The following GPR20 variants were observed in gnomAD, a reference collection of about 807,000 sequenced individuals.
GPR20 encodes the protein G protein-coupled receptor 20, also known as CTD-3064M3.3.
For synonymous variants in GPR20, 241 were observed against 241.9 expected, an observed-to-expected ratio of 1.00 and a Z score of 0.04; for missense variants, 494 against 527.4, an observed-to-expected ratio of 0.94 and a Z score of 0.62.
At chr8:141,359,467 C>A (rs7823822) in intron 1 of GPR20, among the ~76,000 whole-genome samples, 3 of 152,236 alleles carry the variant, frequency 2.0e-5, no homozygotes, top group Middle Eastern at 3.4e-3. Context: ...GCGTGCTACC[C>A]TGGAGGCTGC....
intron 1 of GPR20, among the ~76,000 whole-genome samples, chr8:141,358,983 C>T (rs996206899): frequency 3.3e-5 from 5 of 152,158 alleles, no homozygotes; most frequent in African/African-American, 1.2e-4. Flanking sequence ...GTGTTTAACT[C>T]GGCAGTGATT....
Position 141,357,790 on chromosome 8 carries a change from A to C in GPR20, c.134T>G (p.Leu45Arg). ...CCACAGGCCTGGGAAGGTGCCATGC[A>C]GCTCCTCGTCCAGCCGGGCAAACAG... ...FHLFARLDEE[L>R]HGTFPGLWLA... Residue 45 changes from leucine to arginine, a missense_variant, in exon 2 of 2, where the codon CTG becomes CGG. Coordinates refer to ENST00000377741, the MANE Select transcript of GPR20 (RefSeq NM_005293.3). 1 of 1,613,406 alleles carries C rather than the reference A, an allele frequency of 6.2e-7. No individual in the cohort carries two copies. The highest frequency in any genetic ancestry group is 8.5e-7 in the Non-Finnish European group (1 of 1,179,942).
At chr8:141,360,359 C>T (rs1219417285) in intron 1 of GPR20, among the ~76,000 whole-genome samples, 1 of 152,204 alleles carries the variant, frequency 6.6e-6, no homozygotes, top group African/African-American at 2.4e-5. Flanking sequence ...ACACACTGAC[C>T]CCAATCCTAA....
intron 1 of GPR20, among the ~76,000 whole-genome samples, chr8:141,358,716 G>A (rs1831689717): frequency 6.6e-6 from 1 of 152,228 alleles, no homozygotes; most frequent in Non-Finnish European, 1.5e-5. Context: ...GGGGCTGCAT[G>A]GGAGCCAAGG....
At position 141,356,498 on chromosome 8, in the gene GPR20, C is replaced by T. The variant is rs1054118787; in HGVS notation, c.*349G>A. The T allele has an allele frequency of 2.8e-5, 9 of 323,754 alleles. No homozygotes were observed. The highest frequency in any genetic ancestry group is 5.0e-5 in the Non-Finnish European group (9 of 178,940). The allele number at this position is 323,754 out of a possible 1,614,324, so 20.1% of individuals were successfully genotyped here. A position where few individuals can be genotyped will look rare whatever the true frequency, so the allele number is the denominator to read the frequency against. ...TTTCTTTTTTCTTTTTCATCTCATC[C>T]TTCTAATCAATGGAATCCACTGTGC... On this transcript the variant is annotated 3_prime_UTR_variant, in exon 2 of 2. Coordinates refer to ENST00000377741, the MANE Select transcript of GPR20 (RefSeq NM_005293.3).
intron 1 of GPR20, among the ~76,000 whole-genome samples, chr8:141,363,225 C>A (rs1478386259): frequency 3.9e-5 from 6 of 152,222 alleles, no homozygotes; most frequent in African/African-American, 1.4e-4. Flanking sequence ...GGTGGCTGGA[C>A]TAAGTGAGAA....
Position 141,357,910 on chromosome 8 carries a change from G to C in GPR20, c.14C>G (p.Ser5Cys). Reference sequence around the variant, plus strand: ...TGCCCCGGCCGAGGGCCCCGCTGGAGACACAGAGGGCATGACGGCAGCCAG... The same window carrying C: ...TGCCCCGGCCGAGGGCCCCGCTGGACACACAGAGGGCATGACGGCAGCCAG... Reference protein sequence around the residue: MPSVSPAGPSAGAVP... With the variant: MPSVCPAGPSAGAVP... Residue 5 changes from serine (S) to cysteine (C), a missense_variant, in exon 2 of 2, where the codon TCT becomes TGT. Ser to Cys is a moderately radical substitution (Grantham distance 112). Coordinates refer to ENST00000377741, the MANE Select transcript of GPR20 (RefSeq NM_005293.3). 3 of 1,560,924 alleles carry C rather than the reference G, an allele frequency of 1.9e-6. No individual in the cohort carries two copies. The highest frequency in any genetic ancestry group is 8.7e-7 in the Non-Finnish European group (1 of 1,149,376).
intron 1 of GPR20, among the ~76,000 whole-genome samples, chr8:141,360,601 G>A (rs1176253739): frequency 6.6e-6 from 1 of 152,250 alleles, no homozygotes; most frequent in East Asian, 1.9e-4. Flanking sequence ...TTGTTCAGAA[G>A]GAGGAGGAAT....
intron 1 of GPR20, among the ~76,000 whole-genome samples, chr8:141,361,466 C>T (rs111913393): frequency 1.3e-5 from 2 of 152,318 alleles, no homozygotes; most frequent in African/African-American, 4.8e-5. Context: ...AATAGAATCT[C>T]CCCTGGGGGT....
chr8:141,365,848 C>T (rs761328135), intron 1 of GPR20, among the ~76,000 whole-genome samples: 10 of 152,192 alleles, frequency 6.6e-5, no homozygotes, highest in Non-Finnish European at 1.3e-4. Context: ...CAGCCCCGCA[C>T]GCCTGCACCG....
chr8:141,363,089 C>G (rs1236237707), intron 1 of GPR20, among the ~76,000 whole-genome samples: 1 of 152,240 alleles, frequency 6.6e-6, no homozygotes, highest in African/African-American at 2.4e-5. Context: ...CTTTGGTTTG[C>G]AGGCCAGCTC....
At chr8:141,358,688 G>A (rs1831689356) in intron 1 of GPR20, among the ~76,000 whole-genome samples, 2 of 152,218 alleles carry the variant, frequency 1.3e-5, no homozygotes, top group African/African-American at 2.4e-5. Flanking sequence ...CTTTACAAAG[G>A]GAATTAGGCT....
At chr8:141,366,539 C>T (rs1003035155) in intron 1 of GPR20, among the ~76,000 whole-genome samples, 4 of 152,244 alleles carry the variant, frequency 2.6e-5, no homozygotes, top group African/African-American at 9.6e-5. Context: ...GCTTCTAGGT[C>T]CACACTGAGG....
At chr8:141,363,573 G>T (rs921343399) in intron 1 of GPR20, among the ~76,000 whole-genome samples, 8 of 152,266 alleles carry the variant, frequency 5.3e-5, no homozygotes, top group African/African-American at 1.9e-4. Context: ...CCCACAGCTT[G>T]TTGAATTTCT....
intron 1 of GPR20, among the ~76,000 whole-genome samples, chr8:141,361,306 T>C (rs541453683): frequency 3.2e-4 from 48 of 152,148 alleles, no homozygotes; most frequent in Middle Eastern, 3.4e-3. Flanking sequence ...AGTCAGTGAG[T>C]GGAGACCCAG....
chr8:141,356,843 C>T lies in GPR20; in HGVS notation c.*4G>A, dbSNP rs1432237394. ...ACCTTCGGCCCCTGGCAGAGCCCTG[C>T]TGACTAAGCCTCGGGCCCATTAGCC... On this transcript the variant is annotated 3_prime_UTR_variant, in exon 2 of 2. Transcript: ENST00000377741. 2 of 1,576,862 alleles carry T rather than the reference C, an allele frequency of 1.3e-6. No individual in the cohort carries two copies. The highest frequency in any genetic ancestry group is 1.7e-6 in the Non-Finnish European group (2 of 1,156,076).
At position 141,357,897 on chromosome 8, in the gene GPR20, G is replaced by C. The variant is rs1831676481; in HGVS notation, c.27C>G (p.Pro9=). The C allele has an allele frequency of 1.9e-6, 3 of 1,576,398 alleles. No homozygotes were observed. Among genetic ancestry groups the C allele is most frequent in the Non-Finnish European group, 2.6e-6 (3 of 1,158,766 alleles). ...TGGCATTGGGGACTGCCCCGGCCGA[G>C]GGCCCCGCTGGAGACACAGAGGGCA... is the stretch of plus-strand genomic sequence containing the variant. MPSVSPAG[P]SAGAVPNATA... is the part of the protein sequence containing the mutation. The change falls in exon 2 of 2, where the codon CCC becomes CCG. Residue 9 remains proline (P), a synonymous_variant. Coordinates refer to ENST00000377741, the MANE Select transcript of GPR20 (RefSeq NM_005293.3).
chr8:141,357,482 G>A lies in GPR20; in HGVS notation c.442C>T (p.Arg148Cys), dbSNP rs765285576. ...TCGGGCCGCACGATGGCCAGGTAGC[G>A]GTCCACGCAGATGCAGGTGAGGAAG... is the stretch of plus-strand genomic sequence containing the variant. Reference protein sequence around the residue: ...ILFLTCICVDRYLAIVRPEGS... With the variant: ...ILFLTCICVDCYLAIVRPEGS... Residue 148 changes from arginine to cysteine, a missense_variant, in exon 2 of 2, where the codon CGC (arginine) becomes TGC (cysteine). Physicochemically the swap from Arg to Cys is radical, Grantham distance 180. Coordinates refer to ENST00000377741, the MANE Select transcript of GPR20 (RefSeq NM_005293.3). 17 of 1,612,814 alleles carry A rather than the reference G, an allele frequency of 1.1e-5. No homozygotes were observed. The highest frequency in any genetic ancestry group is 2.2e-5 in the East Asian group (1 of 44,886).
At chr8:141,365,656 C>T (rs142386926) in intron 1 of GPR20, among the ~76,000 whole-genome samples, 1,996 of 152,264 alleles carry the variant, frequency 0.013, 38 homozygotes, top group African/African-American at 0.045. Flanking sequence ...GAGGGAAGAG[C>T]GCTCCCGGCA....
Sources: allele counts gnomAD v4.1 joint callset (sites outside exome capture counted in the v4.1 genomes callset), GRCh38; gene constraint gnomAD v4.1.1; transcripts MANE v1.5; gene names NCBI Gene and HGNC (gene_info 2026-07-23, HGNC 2026-07-21).